Variants in SPECC1L observed in about 807,000 individuals in gnomAD.
The protein encoded by SPECC1L is sperm antigen with calponin homology and coiled-coil domains 1 like.
SPECC1L carries 40 observed loss-of-function variants against 116.8 expected under a neutral mutation model. The observed-to-expected ratio is 0.34, with a 90% CI of 0.27 to 0.45. The LOEUF is 0.45. Ranked by LOEUF, SPECC1L falls within the 20% of genes least tolerant of loss-of-function variation. SPECC1L has a pLI of 1.00. For missense variants in SPECC1L, 1,110 were observed against 1,373.6 expected (o/e 0.81, Z 3.03); for synonymous variants, 504 against 500.6 (o/e 1.01, Z -0.09).
chr22:24,271,627 C>CT (rs1232815361), intron 1 of SPECC1L, among the ~76,000 whole-genome samples: 1 of 152,236 alleles, frequency 6.6e-6, no homozygotes, highest in Non-Finnish European at 1.5e-5. Context: ...GTAGTTAAGT[C>CT]TAAGACATCA....
At chr22:24,343,929 C>T (rs2146550529) in intron 10 of SPECC1L, among the ~76,000 whole-genome samples, 1 of 152,244 alleles carries the variant, frequency 6.6e-6, no homozygotes, top group East Asian at 1.9e-4. Context: ...TTTACAACTT[C>T]CTGGGAATCC....
At chr22:24,411,939 A>G (rs2042706729) in intron 15 of SPECC1L, among the ~76,000 whole-genome samples, 1 of 152,230 alleles carries the variant, frequency 6.6e-6, no homozygotes, top group Admixed American at 6.5e-5. Context: ...TCCTAGTGGG[A>G]GCAGCCAGTC....
At chr22:24,295,777 G>A (rs990187318) in intron 2 of SPECC1L, among the ~76,000 whole-genome samples, 6 of 152,176 alleles carry the variant, frequency 3.9e-5, no homozygotes, top group African/African-American at 1.4e-4. Context: ...GGTGAAACCT[G>A]TCTCTAGTAA....
chr22:24,301,678 G>A (rs552801649), intron 2 of SPECC1L, among the ~76,000 whole-genome samples: 1 of 152,282 alleles, frequency 6.6e-6, no homozygotes, highest in Admixed American at 6.5e-5. Context: ...TCATTGTAAA[G>A]TTGAAACATT....
intron 14 of SPECC1L, among the ~76,000 whole-genome samples, chr22:24,404,618 A>G (rs1312477187): frequency 6.6e-6 from 1 of 152,056 alleles, no homozygotes; most frequent in Non-Finnish European, 1.5e-5. Flanking sequence ...ACTCCAGCCC[A>G]ACTTGATACG....
chr22:24,331,461 A>T (rs2040935481), intron 8 of SPECC1L, among the ~76,000 whole-genome samples: 1 of 152,254 alleles, frequency 6.6e-6, no homozygotes, highest in South Asian at 2.1e-4. Flanking sequence ...AACGAATAAC[A>T]TATCAGAAAT....
chr22:24,412,723 C>T lies in SPECC1L; in HGVS notation c.3264+16C>T. ...ATCCACACTGGTGAGCCCTTGTCCCCCTGAGTCACTGGCAGGGCCCTCCTT... is the reference window on the plus strand; with the variant it reads ...ATCCACACTGGTGAGCCCTTGTCCCTCTGAGTCACTGGCAGGGCCCTCCTT... On this transcript the variant is annotated intron_variant, in intron 16 of 16. Transcript: ENST00000314328. The T allele has an allele frequency of 3.1e-6, 5 of 1,613,786 alleles. No homozygotes were observed. Among genetic ancestry groups the T allele is most frequent in the South Asian group, 1.1e-5 (1 of 91,072 alleles).
intron 11 of SPECC1L, among the ~76,000 whole-genome samples, chr22:24,347,396 A>G (rs553295840): frequency 1.8e-4 from 28 of 152,306 alleles, no homozygotes; most frequent in African/African-American, 6.7e-4. Flanking sequence ...TGGGTAATAG[A>G]GAGTGTACAC....
intron 3 of SPECC1L, among the ~76,000 whole-genome samples, chr22:24,305,104 C>CT: frequency 6.6e-6 from 1 of 152,254 alleles, no homozygotes; most frequent in South Asian, 2.1e-4. Context: ...AGCAGAGAGC[C>CT]TGCTAGTAGC....
chr22:24,351,854 T>G (rs967094690), intron 11 of SPECC1L, among the ~76,000 whole-genome samples: 1 of 152,218 alleles, frequency 6.6e-6, no homozygotes, highest in African/African-American at 2.4e-5. Context: ...TTAAAAAATT[T>G]AAGTGTCTTC....
At chr22:24,296,426 T>C (rs1293537317) in intron 2 of SPECC1L, among the ~76,000 whole-genome samples, 10 of 139,756 alleles carry the variant, frequency 7.2e-5, no homozygotes, top group African/African-American at 3.1e-4. Context: ...TCATGGACTA[T>C]TGTTTCAGAT....
At chr22:24,282,778 A>ATTT (rs373825517) in intron 2 of SPECC1L, among the ~76,000 whole-genome samples, 18 of 140,838 alleles carry the variant, frequency 1.3e-4, no homozygotes, top group South Asian at 1.1e-3. Context: ...TGAGTTTTGA[A>ATTT]TTTTTTTTTT....
intron 2 of SPECC1L, among the ~76,000 whole-genome samples, chr22:24,282,674 G>A (rs2048966019): frequency 1.3e-5 from 2 of 152,002 alleles, no homozygotes; most frequent in South Asian, 2.1e-4. Flanking sequence ...TTTTTAATAA[G>A]GAATGAATGT....
intron 14 of SPECC1L, 71 bp from the exon 15 acceptor site, chr22:24,411,517 G>A (rs2042697691): frequency 7.9e-6 from 11 of 1,400,468 alleles, no homozygotes; most frequent in Non-Finnish European, 1.1e-5. Flanking sequence ...GAGGCCTCCT[G>A]CGTCCTCCTT....
At chr22:24,336,489 T>C (rs1258834620) in intron 9 of SPECC1L, among the ~76,000 whole-genome samples, 1 of 152,078 alleles carries the variant, frequency 6.6e-6, no homozygotes, top group East Asian at 1.9e-4. Context: ...TAGTTCCAAC[T>C]ACTTATGAGG....
intron 14 of SPECC1L, among the ~76,000 whole-genome samples, chr22:24,403,902 C>T (rs998952695): frequency 7.2e-5 from 11 of 152,200 alleles, no homozygotes; most frequent in African/African-American, 2.7e-4. Flanking sequence ...AACCCTTCAG[C>T]CCAGGAGTTC....
Position 24,325,669 on chromosome 22 carries a change from G to T in SPECC1L, c.2146+1242G>T, listed in dbSNP as rs542669905. ...TTATGTGAATTCTGTGGCCATGAAT[G>T]AAAAAAGGTCAATAAAGAGAAAAAG... On this transcript the variant is annotated intron_variant, in intron 6 of 16. Coordinates refer to ENST00000314328, the MANE Select transcript of SPECC1L (RefSeq NM_015330.6). 3.3e-5 allele frequency among the ~76,000 whole-genome samples: 5 copies of T among 152,002 alleles called. No homozygotes were observed. In the South Asian group the frequency reaches 1.0e-3, roughly 32 times the overall value.
chr22:24,407,961 C>G (rs889562216), intron 14 of SPECC1L, among the ~76,000 whole-genome samples: 10 of 152,198 alleles, frequency 6.6e-5, no homozygotes, highest in Admixed American at 2.6e-4. Context: ...GCCCATCCTC[C>G]TATGATACAC....
At chr22:24,312,082 C>G (rs2040473190) in intron 3 of SPECC1L, among the ~76,000 whole-genome samples, 1 of 152,122 alleles carries the variant, frequency 6.6e-6, no homozygotes, top group Non-Finnish European at 1.5e-5. Flanking sequence ...GATCCTCTCA[C>G]TTCAACCTTC....
Sources: gnomAD v4.1 joint callset for allele counts (sites outside exome capture counted in the v4.1 genomes callset) on GRCh38, gnomAD v4.1.1 for gene constraint, MANE v1.5 for transcripts, NCBI Gene and HGNC (gene_info 2026-07-23, HGNC 2026-07-21) for gene names.